Variants in PTPRT observed in about 807,000 individuals in gnomAD.
PTPRT encodes the protein protein tyrosine phosphatase receptor type T, also known as receptor-type tyrosine-protein phosphatase T.
PTPRT carries 56 observed loss-of-function variants against 176.8 expected under a neutral mutation model. The observed-to-expected ratio is 0.32, with a 90% CI of 0.26 to 0.40. PTPRT has a LOEUF of 0.40. Ranked by LOEUF, PTPRT falls within the 10% of genes least tolerant of loss-of-function variation. The pLI is 1.00. For synonymous variants in PTPRT, 783 were observed against 739.0 expected, an observed-to-expected ratio of 1.06 and a Z score of -0.96; for missense variants, 1,540 against 1,908.2, an observed-to-expected ratio of 0.81 and a Z score of 3.60.
intron 9 of PTPRT, among the ~76,000 whole-genome samples, chr20:42,353,932 G>A (rs997999197): frequency 2.6e-5 from 4 of 152,126 alleles, no homozygotes; most frequent in African/African-American, 4.8e-5. Context: ...GTACACATCT[G>A]TAGTCCCAGC....
At chr20:42,434,016 T>C (rs1447885352) in intron 9 of PTPRT, among the ~76,000 whole-genome samples, 1 of 152,132 alleles carries the variant, frequency 6.6e-6, no homozygotes, top group East Asian at 1.9e-4. Flanking sequence ...TGGAGAGCCA[T>C]TAAATGGAAT....
chr20:42,391,886 C>T (rs16986830), intron 9 of PTPRT, among the ~76,000 whole-genome samples: 10,413 of 152,194 alleles, frequency 0.068, 446 homozygotes, highest in African/African-American at 0.12. Flanking sequence ...ATTGATGATA[C>T]TGTCTAGGTT....
intron 6 of PTPRT, among the ~76,000 whole-genome samples, chr20:42,748,250 G>A (rs6103029): frequency 6.6e-6 from 1 of 152,298 alleles, no homozygotes; most frequent in Non-Finnish European, 1.5e-5. Flanking sequence ...GGTGGTGGAA[G>A]GTGGCAGGCT....
chr20:42,292,939 G>A lies in PTPRT; in HGVS notation c.2140-10414C>T, dbSNP rs17316609. Among the ~76,000 whole-genome samples the A allele has an allele frequency of 9.6e-3, 1,463 of 152,330 alleles. 9 individuals carry two copies. The highest frequency in any genetic ancestry group is 0.015 in the Non-Finnish European group (1,042 of 68,028). ...TGAGTGCTAGCTCACTAGAAAGCAC[G>A]TATGCTGGATTCTGCAGACCCTCAG... On this transcript the variant is annotated intron_variant, in intron 12 of 30. Transcript: ENST00000373187.
intron 2 of PTPRT, among the ~76,000 whole-genome samples, chr20:42,803,139 G>A (rs991024575): frequency 4.6e-5 from 7 of 152,242 alleles, no homozygotes; most frequent in Admixed American, 4.6e-4. Flanking sequence ...AGCGGGCCTA[G>A]AAGGCACCAG....
At chr20:42,705,931 C>G (rs369973478) in intron 6 of PTPRT, among the ~76,000 whole-genome samples, 1 of 152,056 alleles carries the variant, frequency 6.6e-6, no homozygotes. Context: ...TAGGATGGTC[C>G]TAGGCCTGTT....
At chr20:42,835,830 A>T (rs2078172054) in intron 2 of PTPRT, among the ~76,000 whole-genome samples, 2 of 152,104 alleles carry the variant, frequency 1.3e-5, no homozygotes, top group Admixed American at 1.3e-4. Context: ...AGTTATTAAG[A>T]GCAGAAAATA....
At chr20:42,166,157 G>C (rs1156503141) in intron 16 of PTPRT, among the ~76,000 whole-genome samples, 1 of 152,202 alleles carries the variant, frequency 6.6e-6, no homozygotes, top group Non-Finnish European at 1.5e-5. Flanking sequence ...CAATGCAGGT[G>C]CACACAGACT....
At chr20:42,360,326 C>G (rs1200214574) in intron 9 of PTPRT, among the ~76,000 whole-genome samples, 1 of 152,156 alleles carries the variant, frequency 6.6e-6, no homozygotes, top group African/African-American at 2.4e-5. Context: ...CCTTCCCTCC[C>G]CTGCCTCACA....
At chr20:42,863,648 G>T (rs750645873) in intron 2 of PTPRT, among the ~76,000 whole-genome samples, 1 of 152,130 alleles carries the variant, frequency 6.6e-6, no homozygotes, top group East Asian at 1.9e-4. Flanking sequence ...CAGTGGTCGT[G>T]AGCTCCTCAT....
chr20:42,097,670 C>T (rs965811151), intron 27 of PTPRT, among the ~76,000 whole-genome samples: 2 of 152,206 alleles, frequency 1.3e-5, no homozygotes, highest in African/African-American at 2.4e-5. Context: ...TTTAAATTCC[C>T]ATCCAAGGCC....
chr20:42,419,889 C>T (rs565849645), intron 9 of PTPRT, among the ~76,000 whole-genome samples: 2 of 152,256 alleles, frequency 1.3e-5, no homozygotes, highest in Non-Finnish European at 2.9e-5. Flanking sequence ...GCACACCTAG[C>T]GAGAACGCCA....
At chr20:42,807,397 G>C (rs1228694733) in intron 2 of PTPRT, among the ~76,000 whole-genome samples, 3 of 152,110 alleles carry the variant, frequency 2.0e-5, no homozygotes, top group African/African-American at 7.2e-5. Context: ...ATTTTTAAGG[G>C]AAACTGCAAG....
chr20:42,815,299 G>A (rs991289139), intron 2 of PTPRT, among the ~76,000 whole-genome samples: 6 of 152,146 alleles, frequency 3.9e-5, no homozygotes, highest in Admixed American at 1.3e-4. Context: ...ACTGGGGTAG[G>A]GGGGATAGAG....
At chr20:42,715,627 A>C (rs1398069809) in intron 6 of PTPRT, among the ~76,000 whole-genome samples, 2 of 152,176 alleles carry the variant, frequency 1.3e-5, no homozygotes, top group Non-Finnish European at 2.9e-5. Flanking sequence ...ACATATACAC[A>C]AATATTAAAA....
At chr20:42,831,512 A>G (rs1569180742) in intron 2 of PTPRT, among the ~76,000 whole-genome samples, 1 of 152,246 alleles carries the variant, frequency 6.6e-6, no homozygotes, top group Non-Finnish European at 1.5e-5. Context: ...TTGCAATAAA[A>G]GCAAAAATGG....
chr20:42,419,886 T>C (rs1190874176), intron 9 of PTPRT, among the ~76,000 whole-genome samples: 1 of 152,118 alleles, frequency 6.6e-6, no homozygotes, highest in Non-Finnish European at 1.5e-5. Context: ...GACGCACACC[T>C]AGCGAGAACG....
At chr20:42,468,561 G>T (rs1218679546) in intron 8 of PTPRT, among the ~76,000 whole-genome samples, 1 of 152,172 alleles carries the variant, frequency 6.6e-6, no homozygotes, top group African/African-American at 2.4e-5. Context: ...CTTTATTAAT[G>T]ATGTTTAATT....
At chr20:42,826,044 C>T (rs1451067577) in intron 2 of PTPRT, among the ~76,000 whole-genome samples, 3 of 152,040 alleles carry the variant, frequency 2.0e-5, no homozygotes, top group Non-Finnish European at 4.4e-5. Flanking sequence ...CCAGTCCCTT[C>T]TCAATACCTA....
Sources: allele counts gnomAD v4.1 joint callset (sites outside exome capture counted in the v4.1 genomes callset), GRCh38; gene constraint gnomAD v4.1.1; transcripts MANE v1.5; gene names NCBI Gene and HGNC (gene_info 2026-07-23, HGNC 2026-07-21).